Variants in KCNH7 observed in about 807,000 individuals in gnomAD.
KCNH7 encodes potassium voltage-gated channel subfamily H member 7, also known as voltage-gated inwardly rectifying potassium channel KCNH7.
KCNH7 carries 49 observed loss-of-function variants against 120.8 expected under a neutral mutation model. The observed-to-expected ratio is 0.41, with a 90% confidence interval of 0.32 to 0.51. KCNH7 has a LOEUF of 0.51. Ranked by LOEUF, KCNH7 falls within the 20% of genes least tolerant of loss-of-function variation. The pLI is 0.38. For synonymous variants in KCNH7, 547 were observed against 516.1 expected (o/e 1.06, Z -0.81); for missense variants, 1,097 against 1,446.6 (o/e 0.76, Z 3.92).
At chr2:162,444,922 A>T (rs1400433534) in intron 7 of KCNH7, among the ~76,000 whole-genome samples, 1 of 148,720 alleles carries the variant, frequency 6.7e-6, no homozygotes, top group Non-Finnish European at 1.5e-5. Context: ...CTCAAATTAG[A>T]AAAAAAAAAG....
intron 2 of KCNH7, among the ~76,000 whole-genome samples, chr2:162,777,578 A>G (rs939270319): frequency 6.6e-6 from 1 of 152,124 alleles, no homozygotes; most frequent in African/African-American, 2.4e-5. Context: ...TCTCCTATAT[A>G]AGCCAAGCAC....
chr2:162,816,264 A>G (rs2105580519), intron 2 of KCNH7, among the ~76,000 whole-genome samples: 2 of 150,058 alleles, frequency 1.3e-5, no homozygotes, highest in South Asian at 4.2e-4. Context: ...TCTCAAAAAA[A>G]AAAAAAAAAA....
At chr2:162,533,989 A>T (rs1692022478) in intron 3 of KCNH7, among the ~76,000 whole-genome samples, 1 of 151,564 alleles carries the variant, frequency 6.6e-6, no homozygotes, top group African/African-American at 2.4e-5. Context: ...ACTGTAAGAC[A>T]ATAAAACCAG....
chr2:162,578,661 T>C (rs955541827), intron 2 of KCNH7, among the ~76,000 whole-genome samples: 1 of 152,068 alleles, frequency 6.6e-6, no homozygotes, highest in African/African-American at 2.4e-5. Context: ...CTGGGCTAAC[T>C]GGAAGGTGGC....
intron 2 of KCNH7, among the ~76,000 whole-genome samples, chr2:162,634,506 A>C (rs2105223867): frequency 6.6e-6 from 1 of 152,222 alleles, no homozygotes; most frequent in African/African-American, 2.4e-5. Flanking sequence ...TATCAGCTAC[A>C]ATTTACTGCC....
intron 2 of KCNH7, among the ~76,000 whole-genome samples, chr2:162,690,776 T>C (rs1377447328): frequency 6.6e-6 from 1 of 152,174 alleles, no homozygotes; most frequent in African/African-American, 2.4e-5. Context: ...ATAATTGGCA[T>C]GTTAACAGCA....
intron 3 of KCNH7, among the ~76,000 whole-genome samples, chr2:162,526,128 C>T (rs187216284): frequency 1.3e-5 from 2 of 151,730 alleles, no homozygotes; most frequent in African/African-American, 2.4e-5. Flanking sequence ...TCCGTGATGC[C>T]CCCTGAGCTG....
intron 2 of KCNH7, among the ~76,000 whole-genome samples, chr2:162,595,219 A>AGAATG (rs756656954): frequency 2.6e-5 from 4 of 152,032 alleles, no homozygotes; most frequent in Admixed American, 1.3e-4. Context: ...ACAGGGTGCC[A>AGAATG]GAATGGAGTA....
intron 2 of KCNH7, among the ~76,000 whole-genome samples, chr2:162,635,834 C>A (rs182688179): frequency 4.7e-4 from 72 of 152,148 alleles, no homozygotes; most frequent in Non-Finnish European, 7.9e-4. Context: ...TTTTCTCACA[C>A]AAGAAAGCTC....
At chr2:162,570,400 C>A (rs918144610) in intron 2 of KCNH7, among the ~76,000 whole-genome samples, 2 of 141,746 alleles carry the variant, frequency 1.4e-5, no homozygotes, top group African/African-American at 5.3e-5. Context: ...TTCCTCCATC[C>A]TTTTATTTTG....
At chr2:162,645,527 G>C (rs1684326367) in intron 2 of KCNH7, among the ~76,000 whole-genome samples, 1 of 152,074 alleles carries the variant, frequency 6.6e-6, no homozygotes, top group Non-Finnish European at 1.5e-5. Context: ...TGCAAATTTA[G>C]AATGTGTTGA....
intron 6 of KCNH7, among the ~76,000 whole-genome samples, chr2:162,479,662 T>C (rs1689859566): frequency 7.0e-6 from 1 of 142,422 alleles, no homozygotes; most frequent in African/African-American, 2.7e-5. Flanking sequence ...GGAAATTGTG[T>C]GTGTGTGTGC....
intron 12 of KCNH7, among the ~76,000 whole-genome samples, chr2:162,391,190 A>G (rs1188843900): frequency 3.9e-5 from 6 of 152,052 alleles, no homozygotes; most frequent in Non-Finnish European, 5.9e-5. Context: ...CAATGAACTA[A>G]CACTACAAAA....
intron 3 of KCNH7, among the ~76,000 whole-genome samples, chr2:162,532,834 T>G (rs889205803): frequency 1.4e-4 from 22 of 151,872 alleles, no homozygotes; most frequent in Middle Eastern, 3.2e-3. Flanking sequence ...AGAAAATAGA[T>G]AAGCTCACTG....
At chr2:162,450,498 T>A (rs1257821747) in intron 6 of KCNH7, among the ~76,000 whole-genome samples, 2 of 152,114 alleles carry the variant, frequency 1.3e-5, no homozygotes, top group Non-Finnish European at 2.9e-5. Context: ...GCTTTATTTA[T>A]ATAGCAAGCA....
At chr2:162,608,676 A>G (rs558787486) in intron 2 of KCNH7, among the ~76,000 whole-genome samples, 1 of 152,242 alleles carries the variant, frequency 6.6e-6, no homozygotes, top group East Asian at 1.9e-4. Flanking sequence ...CTTTAATCAC[A>G]TTGTTAACTG....
chr2:162,444,014 C>A (rs1382059171), intron 7 of KCNH7, among the ~76,000 whole-genome samples: 1 of 152,202 alleles, frequency 6.6e-6, no homozygotes, highest in African/African-American at 2.4e-5. Context: ...TATCAAGTCT[C>A]AACTCAAATG....
At chr2:162,735,952 A>G (rs1187965923) in intron 2 of KCNH7, among the ~76,000 whole-genome samples, 1 of 152,186 alleles carries the variant, frequency 6.6e-6, no homozygotes, top group East Asian at 1.9e-4. Context: ...CATGGTCAAG[A>G]TAATTGAATG....
intron 2 of KCNH7, among the ~76,000 whole-genome samples, chr2:162,627,882 G>T (rs1304053193): frequency 2.2e-5 from 3 of 137,184 alleles, no homozygotes; most frequent in Non-Finnish European, 3.1e-5. Context: ...TGCTGAGTGT[G>T]CACCTAGAAG....
Sources: allele counts gnomAD v4.1 joint callset (sites outside exome capture counted in the v4.1 genomes callset), GRCh38; gene constraint gnomAD v4.1.1; transcripts MANE v1.5; gene names NCBI Gene and HGNC (gene_info 2026-07-23, HGNC 2026-07-21).